Variants in GPR39 observed in about 807,000 individuals in gnomAD.
GPR39 encodes G protein-coupled receptor 39.
Under a neutral mutation model 18.4 loss-of-function variants are expected in GPR39, and 23 were observed. The observed-to-expected ratio is 1.25, with a 90% CI of 0.90 to 1.77. GPR39 has a LOEUF of 1.77. GPR39 is among the 40% of genes most tolerant of loss of function. The pLI, the probability that GPR39 is intolerant of heterozygous loss-of-function variation, is 0.00. For synonymous variants in GPR39, 280 were observed against 257.9 expected, an observed-to-expected ratio of 1.09 and a Z score of -0.82; for missense variants, 647 against 602.4, an observed-to-expected ratio of 1.07 and a Z score of -0.78.
chr2:132,472,315 G>A (rs1328695030), intron 1 of GPR39, among the ~76,000 whole-genome samples: 1 of 152,132 alleles, frequency 6.6e-6, no homozygotes, highest in African/African-American at 2.4e-5. Context: ...GTCCCTCCAG[G>A]CCTCCTTGCT....
At chr2:132,439,420 C>T (rs947123164) in intron 1 of GPR39, among the ~76,000 whole-genome samples, 2 of 152,182 alleles carry the variant, frequency 1.3e-5, no homozygotes, top group African/African-American at 4.8e-5. Context: ...GACAGATTAT[C>T]CTGTTGAAAG....
chr2:132,594,781 C>T (rs1573687849), intron 1 of GPR39, among the ~76,000 whole-genome samples: 1 of 151,698 alleles, frequency 6.6e-6, no homozygotes, highest in South Asian at 2.1e-4. Flanking sequence ...TATTCCAAAT[C>T]CACCATTTAC....
chr2:132,423,770 G>A (rs995302654), intron 1 of GPR39, among the ~76,000 whole-genome samples: 45 of 152,168 alleles, frequency 3.0e-4, no homozygotes, highest in African/African-American at 1.1e-3. Flanking sequence ...TTACTCGACT[G>A]ATGTCTGTCT....
intron 1 of GPR39, among the ~76,000 whole-genome samples, chr2:132,527,604 T>A (rs1031302978): frequency 1.3e-5 from 2 of 152,224 alleles, no homozygotes; most frequent in Non-Finnish European, 2.9e-5. Flanking sequence ...CAGCATCTAT[T>A]GTTTCTTGAC....
chr2:132,458,097 G>A (rs1461658537), intron 1 of GPR39, among the ~76,000 whole-genome samples: 5 of 152,152 alleles, frequency 3.3e-5, no homozygotes, highest in South Asian at 2.1e-4. Flanking sequence ...TGGGTGAGAC[G>A]ATGCCCTGCC....
rs574691014 is a variant in GPR39, at chr2:132,497,813, ACAGATTATCT to A, written c.856+79917_856+79926del. Among the ~76,000 whole-genome samples the A allele has an allele frequency of 2.1e-3, 316 of 152,278 alleles. 1 individual carries two copies. Among genetic ancestry groups the A allele is most frequent in the Non-Finnish European group, 2.9e-3 (199 of 68,028 alleles). ...ATGACTCACTGATAGTTATTGAGAAACAGATTATCTCTGTGGATGTCTGAAAGAGAAGGGA... is the reference window on the plus strand; with the variant it reads ...ATGACTCACTGATAGTTATTGAGAAACTGTGGATGTCTGAAAGAGAAGGGA... On this transcript the variant is annotated intron_variant, in intron 1 of 1. Coordinates refer to ENST00000329321, the MANE Select transcript of GPR39 (RefSeq NM_001508.3).
At chr2:132,632,836 T>C (rs1008980329) in intron 1 of GPR39, among the ~76,000 whole-genome samples, 3 of 152,162 alleles carry the variant, frequency 2.0e-5, no homozygotes, top group African/African-American at 4.8e-5. Flanking sequence ...GATTGTCTAA[T>C]AAGGAGTATG....
At chr2:132,479,792 G>A (rs1460384686) in intron 1 of GPR39, among the ~76,000 whole-genome samples, 1 of 149,504 alleles carries the variant, frequency 6.7e-6, no homozygotes, top group East Asian at 2.0e-4. Context: ...AAACAGTATG[G>A]AGATTCTTCT....
intron 1 of GPR39, among the ~76,000 whole-genome samples, chr2:132,591,047 C>G (rs991915284): frequency 1.3e-4 from 19 of 150,420 alleles, no homozygotes; most frequent in Admixed American, 4.0e-4. Flanking sequence ...GTCAGGAGAT[C>G]GAGACCATCC....
intron 1 of GPR39, among the ~76,000 whole-genome samples, chr2:132,550,148 C>T (rs1293600290): frequency 6.6e-6 from 1 of 152,168 alleles, no homozygotes; most frequent in African/African-American, 2.4e-5. Flanking sequence ...ATGCAAATAG[C>T]ATAACAGAGT....
intron 1 of GPR39, among the ~76,000 whole-genome samples, chr2:132,464,127 G>A (rs111393965): frequency 0.031 from 4,647 of 152,296 alleles, 199 homozygotes; most frequent in African/African-American, 0.097. Flanking sequence ...TAAAAATCAC[G>A]TAGTTCTTAT....
At chr2:132,465,085 T>C (rs917356839) in intron 1 of GPR39, among the ~76,000 whole-genome samples, 1 of 152,198 alleles carries the variant, frequency 6.6e-6, no homozygotes, top group Non-Finnish European at 1.5e-5. Flanking sequence ...TTCATTTAAT[T>C]AGTAGCAAAC....
intron 1 of GPR39, among the ~76,000 whole-genome samples, chr2:132,637,169 C>T (rs1337897030): frequency 6.6e-6 from 1 of 152,186 alleles, no homozygotes; most frequent in African/African-American, 2.4e-5. Context: ...CAATGATGAC[C>T]CTAAACTCCA....
intron 1 of GPR39, among the ~76,000 whole-genome samples, chr2:132,447,928 A>G (rs973793985): frequency 1.3e-5 from 2 of 152,200 alleles, no homozygotes; most frequent in African/African-American, 4.8e-5. Context: ...CCACCTTGAC[A>G]GCTTTGGTGG....
intron 1 of GPR39, among the ~76,000 whole-genome samples, chr2:132,514,682 C>T (rs1190573461): frequency 6.6e-6 from 1 of 152,146 alleles, no homozygotes; most frequent in Non-Finnish European, 1.5e-5. Context: ...GGTGCATCCT[C>T]TCTACACCGT....
At chr2:132,532,665 T>A (rs1679663255) in intron 1 of GPR39, among the ~76,000 whole-genome samples, 1 of 152,190 alleles carries the variant, frequency 6.6e-6, no homozygotes, top group Non-Finnish European at 1.5e-5. Context: ...GTGGGCTTCA[T>A]CCCTGGGATG....
chr2:132,645,984 TG>T lies in GPR39; in HGVS notation c.*384del, dbSNP rs1321048863. The T allele has an allele frequency of 1.1e-5, 13 of 1,235,408 alleles. No individual in the cohort carries two copies. The highest frequency in any genetic ancestry group is 5.0e-5 in the South Asian group (3 of 59,894). The allele number at this position is 1,235,408 out of a possible 1,614,324, so 76.5% of individuals were successfully genotyped here. A position where few individuals can be genotyped will look rare whatever the true frequency, so the allele number is the denominator to read the frequency against. On this transcript the variant is annotated 3_prime_UTR_variant, in exon 2 of 2. Transcript: ENST00000329321. ...CCCAGAAGAAACTCACTCAGGGAGG[TG>T]GGGGGTTGGGGGCGAGGGCTGGAAG... is the stretch of plus-strand genomic sequence containing the variant.
At chr2:132,566,792 A>G (rs1343841677) in intron 1 of GPR39, among the ~76,000 whole-genome samples, 2 of 152,112 alleles carry the variant, frequency 1.3e-5, no homozygotes, top group African/African-American at 4.8e-5. Context: ...TCATTTCCCA[A>G]TACACATTCC....
At chr2:132,513,919 T>C (rs913211198) in intron 1 of GPR39, among the ~76,000 whole-genome samples, 11 of 152,238 alleles carry the variant, frequency 7.2e-5, no homozygotes, top group African/African-American at 2.7e-4. Flanking sequence ...TTTGCCATAT[T>C]GCCTAGGCTA....
Sources: allele counts gnomAD v4.1 joint callset (sites outside exome capture counted in the v4.1 genomes callset), GRCh38; gene constraint gnomAD v4.1.1; transcripts MANE v1.5; gene names NCBI Gene and HGNC (gene_info 2026-07-23, HGNC 2026-07-21).